GPC6: variants seen among roughly 807,000 people sequenced by gnomAD.
GPC6 encodes glypican 6.
A neutral mutation model predicts 55.2 loss-of-function variants in GPC6; 14 were observed. That is an observed-to-expected ratio of 0.25 (90% CI 0.17 to 0.40). GPC6 has a LOEUF of 0.40. Ranked by LOEUF, GPC6 falls within the 10% of genes least tolerant of loss-of-function variation. The probability of loss-of-function intolerance (pLI) is 1.00; values close to 1 mark genes in which losing one functional copy is unlikely to be tolerated. For missense variants in GPC6, 641 were observed against 708.5 expected, an observed-to-expected ratio of 0.90 and a Z score of 1.08; for synonymous variants, 278 against 259.6, an observed-to-expected ratio of 1.07 and a Z score of -0.68.
rs59631105 is a variant in GPC6 at position 94,224,256 on chromosome 13, A to AATATATATAT, written c.878-62074_878-62065dup. ...TCTTTATTTTTGTATATCATCTTTA[A>AATATATATAT]ATATATATATATATATATATATATA... On this transcript the variant is annotated intron_variant, in intron 4 of 8. Transcript: ENST00000377047. Among the ~76,000 whole-genome samples the AATATATATAT allele has an allele frequency of 5.3e-3, 766 of 143,872 alleles. 14 individuals are homozygous for AATATATATAT. The highest frequency in any genetic ancestry group is 0.019 in the African/African-American group (732 of 39,522). 94.4% of individuals were successfully genotyped at this position (143,872 alleles called of 152,430 possible). A position where few individuals can be genotyped will look rare whatever the true frequency, so the allele number is the denominator to read the frequency against.
chr13:93,830,277 G>A lies in GPC6; in HGVS notation c.443G>A (p.Arg148Lys). The A allele has an allele frequency of 6.2e-7, 1 of 1,613,668 alleles. No homozygotes were observed. ...VFQDLFTELK[R>K]YYTGGNVNLE... ...CAGGACCTCTTCACAGAGCTGAAAA[G>A]GTACTACACTGGGGGTAATGTGAAT... is the stretch of plus-strand genomic sequence containing the variant. The change falls in exon 3 of 9, where the codon AGG becomes AAG. Residue 148 changes from arginine (R) to lysine (K), a missense_variant. Transcript: ENST00000377047.
intron 4 of GPC6, among the ~76,000 whole-genome samples, chr13:94,103,135 T>C (rs1885928986): frequency 1.3e-5 from 2 of 152,238 alleles, no homozygotes; most frequent in South Asian, 4.1e-4. Context: ...GAACATGTGG[T>C]GTTTGGTTTT....
At chr13:93,932,621 A>G (rs946596902) in intron 3 of GPC6, among the ~76,000 whole-genome samples, 2 of 152,166 alleles carry the variant, frequency 1.3e-5, no homozygotes, top group Non-Finnish European at 2.9e-5. Flanking sequence ...TAAATGAAAC[A>G]TCTCATGGTA....
intron 3 of GPC6, among the ~76,000 whole-genome samples, chr13:93,843,655 G>A (rs1252457236): frequency 6.6e-6 from 1 of 152,132 alleles, no homozygotes; most frequent in Non-Finnish European, 1.5e-5. Context: ...CATAAAATAT[G>A]GATTTCTACA....
chr13:93,546,243 A>G (rs901239825), intron 2 of GPC6, among the ~76,000 whole-genome samples: 2 of 152,314 alleles, frequency 1.3e-5, no homozygotes, highest in African/African-American at 4.8e-5. Context: ...TTGGTCCTAC[A>G]ACATTACCCT....
At chr13:94,061,030 C>A (rs1190156302) in intron 4 of GPC6, among the ~76,000 whole-genome samples, 1 of 152,130 alleles carries the variant, frequency 6.6e-6, no homozygotes, top group East Asian at 1.9e-4. Context: ...TAATCAAATT[C>A]AGCATTATTA....
At chr13:93,225,125 C>G (rs1875726373), upstream of GPC6, among the ~76,000 whole-genome samples, 1 of 152,174 alleles carries the variant, frequency 6.6e-6, no homozygotes, top group Non-Finnish European at 1.5e-5. Flanking sequence ...TATACTGAGT[C>G]AGGGTAAATT....
chr13:93,452,958 G>T (rs1486401632), intron 1 of GPC6, among the ~76,000 whole-genome samples: 1 of 152,166 alleles, frequency 6.6e-6, no homozygotes, highest in Non-Finnish European at 1.5e-5. Context: ...TTTCCCTCCA[G>T]CATGACATAC....
chr13:94,017,593 G>T (rs1021635332), intron 3 of GPC6, among the ~76,000 whole-genome samples: 1 of 152,116 alleles, frequency 6.6e-6, no homozygotes, highest in Non-Finnish European at 1.5e-5. Context: ...ACAATTCAAG[G>T]TGAGATTTGG....
At chr13:93,624,153 C>T (rs12323001) in intron 2 of GPC6, among the ~76,000 whole-genome samples, 3,517 of 148,216 alleles carry the variant, frequency 0.024, 138 homozygotes, top group African/African-American at 0.081. Flanking sequence ...CTTCCAGACA[C>T]AGGCATAGCT....
chr13:94,048,210 A>G (rs1039388774), intron 4 of GPC6, among the ~76,000 whole-genome samples: 17 of 152,074 alleles, frequency 1.1e-4, no homozygotes, highest in African/African-American at 4.1e-4. Context: ...ATAAGAATAC[A>G]TGAAGGACCC....
chr13:93,561,650 C>T (rs539758308), intron 2 of GPC6, among the ~76,000 whole-genome samples: 114 of 152,038 alleles, frequency 7.5e-4, no homozygotes, highest in African/African-American at 2.8e-3. Flanking sequence ...CTAAGTCATG[C>T]TGGGTGCTCA....
intron 4 of GPC6, among the ~76,000 whole-genome samples, chr13:94,045,718 CA>C (rs1883707900): frequency 6.8e-6 from 1 of 147,956 alleles, no homozygotes; most frequent in Admixed American, 6.8e-5. Context: ...ATATAGAAAC[CA>C]GAGGCTTCCA....
chr13:94,182,827 C>T (rs1011208375), intron 4 of GPC6, among the ~76,000 whole-genome samples: 3 of 152,080 alleles, frequency 2.0e-5, no homozygotes, highest in South Asian at 2.1e-4. Context: ...ACCCAGGCTC[C>T]GTCAGTGGCA....
intron 1 of GPC6, among the ~76,000 whole-genome samples, chr13:93,307,552 G>C (rs1483824677): frequency 2.0e-5 from 3 of 152,134 alleles, no homozygotes; most frequent in Non-Finnish European, 4.4e-5. Flanking sequence ...TGTATGGAAA[G>C]AGCATAAATA....
At chr13:93,901,718 T>G (rs1366771524) in intron 3 of GPC6, among the ~76,000 whole-genome samples, 2 of 151,924 alleles carry the variant, frequency 1.3e-5, no homozygotes, top group Non-Finnish European at 2.9e-5. Flanking sequence ...CTGACCAACA[T>G]GGTGAAAACC....
intron 2 of GPC6, among the ~76,000 whole-genome samples, chr13:93,594,803 C>T (rs1046473700): frequency 6.6e-6 from 1 of 151,426 alleles, no homozygotes; most frequent in Non-Finnish European, 1.5e-5. Flanking sequence ...CACTGTCTCC[C>T]TATAGCCTCA....
At chr13:94,289,145 G>A (rs192926624) in intron 5 of GPC6, among the ~76,000 whole-genome samples, 2,726 of 151,312 alleles carry the variant, frequency 0.018, 96 homozygotes, top group African/African-American at 0.063. Context: ...AAGAAAAAAA[G>A]GAAATGCACC....
intron 5 of GPC6, among the ~76,000 whole-genome samples, chr13:94,304,456 A>T (rs1385001661): frequency 1.3e-5 from 2 of 152,264 alleles, no homozygotes; most frequent in Non-Finnish European, 2.9e-5. Flanking sequence ...ACAGAATGAA[A>T]TAACAAAACT....
Sources: allele counts gnomAD v4.1 joint callset (sites outside exome capture counted in the v4.1 genomes callset), GRCh38; gene constraint gnomAD v4.1.1; transcripts MANE v1.5; gene names NCBI Gene and HGNC (gene_info 2026-07-23, HGNC 2026-07-21).